Variants in AGAP1 observed in about 807,000 individuals in gnomAD.
AGAP1 encodes ArfGAP with GTPase domain, ankyrin repeat and PH domain 1.
Under a neutral mutation model 105.3 loss-of-function variants are expected in AGAP1, and 29 were observed. The observed-to-expected ratio is 0.28, with a 90% CI of 0.21 to 0.38. The LOEUF (loss-of-function observed/expected upper bound fraction) is 0.38, where lower values mean the gene tolerates loss of function less well. Among genes scored for constraint, AGAP1 ranks in the 10% least tolerant of loss-of-function variants. AGAP1 has a pLI of 1.00. For missense variants in AGAP1, 998 were observed against 1,165.1 expected (o/e 0.86, Z 2.09); for synonymous variants, 509 against 485.9 (o/e 1.05, Z -0.63).
intron 6 of AGAP1, among the ~76,000 whole-genome samples, chr2:235,785,831 C>T (rs750097795): frequency 5.9e-5 from 9 of 152,164 alleles, no homozygotes; most frequent in Non-Finnish European, 1.0e-4. Context: ...TGTTTATCTG[C>T]ACTTATCTTA....
rs2054082752 is a variant in AGAP1, at chr2:235,959,314, T to C, written c.1484-9148T>C. ...GCGGGGCTTTCGGGGCCTCTTCAAT[T>C]TGAGGAATACCTTGTCAGGCGAGGG... On this transcript the variant is annotated intron_variant, in intron 12 of 17. Transcript: ENST00000304032. The surrounding 1 kb of genome is among the most constrained non-coding windows in gnomAD (Gnocchi z 7.3). 6.6e-6 allele frequency among the ~76,000 whole-genome samples: 1 copy of C among 152,104 alleles called. No individual in the cohort carries two copies. The highest frequency in any genetic ancestry group is 2.4e-5 in the African/African-American group (1 of 41,414).
rs1286254653 is a variant in AGAP1 at position 235,931,771 on chromosome 2, C to T, written c.1483+848C>T. On this transcript the variant is annotated intron_variant, in intron 12 of 17. Transcript: ENST00000304032. This position sits in a 1 kb window ranked among gnomAD's most constrained non-coding sequence, Gnocchi z 5.6. ...CTTTGGGTAAACATCATCCTTATTT[C>T]TAGTGGCTCCGCAGACGCCACCAAG... 6.6e-6 allele frequency among the ~76,000 whole-genome samples: 1 copy of T among 152,020 alleles called. No individual in the cohort carries two copies. Among genetic ancestry groups the T allele is most frequent in the Non-Finnish European group, 1.5e-5 (1 of 68,026 alleles).
chr2:235,681,326 A>C (rs868829798), intron 1 of AGAP1, among the ~76,000 whole-genome samples: 65 of 151,976 alleles, frequency 4.3e-4, no homozygotes, highest in Middle Eastern at 3.2e-3. Context: ...CCCTTTTGAC[A>C]CACTCTATGA....
rs1028217203 is a variant in AGAP1 at position 235,752,183 on chromosome 2, T to C, written c.673+1695T>C. Among the ~76,000 whole-genome samples, 1 of 152,168 alleles carries C rather than the reference T, an allele frequency of 6.6e-6. No homozygotes were observed. Among genetic ancestry groups the C allele is most frequent in the African/African-American group, 2.4e-5 (1 of 41,446 alleles). On this transcript the variant is annotated intron_variant, in intron 6 of 17. Coordinates refer to ENST00000304032, the MANE Select transcript of AGAP1 (RefSeq NM_001037131.3). This position sits in a 1 kb window ranked among gnomAD's most constrained non-coding sequence, Gnocchi z 4.3. ...CTGCCTGTTTTCATAAATAGACTTT[T>C]CTTCTTTTTTTTGGAGACAGAGTCT...
rs76543905 is a variant in AGAP1, at chr2:235,598,482, A to G, written c.163+103633A>G. On this transcript the variant is annotated intron_variant, in intron 1 of 17. Transcript: ENST00000304032. ...GTTTATATCAAATTACCCTATGGGAAACTTGGTTGCATTGTATGTCGTTTC... is the reference window on the plus strand; with the variant it reads ...GTTTATATCAAATTACCCTATGGGAGACTTGGTTGCATTGTATGTCGTTTC... 3.3e-3 allele frequency among the ~76,000 whole-genome samples: 503 copies of G among 152,318 alleles called. 5 individuals are homozygous for G. Among genetic ancestry groups the G allele is most frequent in the African/African-American group, 0.012 (492 of 41,562 alleles).
At chr2:235,844,995 A>G (rs781335763) in intron 9 of AGAP1, among the ~76,000 whole-genome samples, 19 of 152,152 alleles carry the variant, frequency 1.2e-4, no homozygotes, top group Non-Finnish European at 2.2e-4. Context: ...AGCAGCAATT[A>G]TAGTTTGCTG....
chr2:235,498,585 G>A (rs1225944657), intron 1 of AGAP1, among the ~76,000 whole-genome samples: 1 of 152,184 alleles, frequency 6.6e-6, no homozygotes, highest in Admixed American at 6.5e-5. Context: ...TGAATTAACT[G>A]CCTTTCTTGT....
At position 235,587,479 on chromosome 2, in the gene AGAP1, C is replaced by A. The variant is rs1466037505; in HGVS notation, c.163+92630C>A. On this transcript the variant is annotated intron_variant, in intron 1 of 17. Coordinates refer to ENST00000304032, the MANE Select transcript of AGAP1 (RefSeq NM_001037131.3). ...TTTAAGTCTCCCAACAGGCCGGGTG[C>A]GGTGGCTCATGCCTGTAATTCCAGA... 2.0e-5 allele frequency among the ~76,000 whole-genome samples: 3 copies of A among 152,178 alleles called. No individual in the cohort carries two copies. The South Asian group carries it at 6.2e-4, about 32-fold the overall frequency.
Position 235,741,259 on chromosome 2 carries a change from G to T in AGAP1, c.396+211G>T, listed in dbSNP as rs865775306. 7.9e-5 allele frequency among the ~76,000 whole-genome samples: 12 copies of T among 152,162 alleles called. No individual in the cohort carries two copies. Among genetic ancestry groups the T allele is most frequent in the African/African-American group, 2.7e-4 (11 of 41,440 alleles). ...AGACTAAATCCTGCAGGGAAGTTGG[G>T]TTTATGTGATGGCTTTTCACTTTCT... On this transcript the variant is annotated intron_variant, in intron 4 of 17. Coordinates refer to ENST00000304032, the MANE Select transcript of AGAP1 (RefSeq NM_001037131.3). This position sits in a 1 kb window ranked among gnomAD's most constrained non-coding sequence, Gnocchi z 4.9.
intron 13 of AGAP1, among the ~76,000 whole-genome samples, chr2:235,999,154 G>A (rs1255253028): frequency 3.0e-5 from 4 of 134,276 alleles, no homozygotes; most frequent in Non-Finnish European, 6.6e-5. Flanking sequence ...GGTGAGAGGT[G>A]GTGGTGGTGA....
At chr2:235,940,283 C>A (rs1180922504) in intron 12 of AGAP1, among the ~76,000 whole-genome samples, 1 of 152,100 alleles carries the variant, frequency 6.6e-6, no homozygotes, top group Non-Finnish European at 1.5e-5. Context: ...TCTGGCCTGT[C>A]ATTCTTACTT....
rs1559279850 is a variant in AGAP1, at chr2:236,104,501, G to C, written c.2115-15691G>C. On this transcript the variant is annotated intron_variant, in intron 16 of 17. Transcript: ENST00000304032. This position sits in a 1 kb window ranked among gnomAD's most constrained non-coding sequence, Gnocchi z 4.7. ...TCCTTGTCCCTTCTCAGATTCCTTG[G>C]GGGCACAGGGCTGTGAGGGTCAGGA... 6.6e-6 allele frequency among the ~76,000 whole-genome samples: 1 copy of C among 152,240 alleles called. No homozygotes were observed. The highest frequency in any genetic ancestry group is 1.5e-5 in the Non-Finnish European group (1 of 68,042).
intron 9 of AGAP1, among the ~76,000 whole-genome samples, chr2:235,881,686 G>C (rs2050030879): frequency 6.6e-6 from 1 of 152,176 alleles, no homozygotes; most frequent in African/African-American, 2.4e-5. Flanking sequence ...GCTCAGTGTT[G>C]GCCGTCAGCT....
chr2:236,060,267 T>C (rs2058155279), intron 16 of AGAP1, among the ~76,000 whole-genome samples: 1 of 152,184 alleles, frequency 6.6e-6, no homozygotes, highest in South Asian at 2.1e-4. Flanking sequence ...AATAGATAAA[T>C]TGAATATTAG....
chr2:235,916,116 C>T (rs2051869623), intron 11 of AGAP1, among the ~76,000 whole-genome samples: 1 of 152,092 alleles, frequency 6.6e-6, no homozygotes, highest in South Asian at 2.1e-4. Flanking sequence ...CAGGGTTATA[C>T]AACATCTCTG....
chr2:235,536,950 C>T (rs1222700229), intron 1 of AGAP1, among the ~76,000 whole-genome samples: 2 of 152,146 alleles, frequency 1.3e-5, no homozygotes, highest in African/African-American at 4.8e-5. Flanking sequence ...TGGGCAGGTG[C>T]AGGAGCCTGA....
intron 1 of AGAP1, among the ~76,000 whole-genome samples, chr2:235,603,153 G>A (rs774012468): frequency 1.3e-5 from 2 of 152,152 alleles, no homozygotes; most frequent in African/African-American, 4.8e-5. Context: ...CTGTTCTGAT[G>A]GTAGTGAATA....
At chr2:235,541,290 G>C (rs1943424883) in intron 1 of AGAP1, among the ~76,000 whole-genome samples, 1 of 150,132 alleles carries the variant, frequency 6.7e-6, no homozygotes, top group African/African-American at 2.5e-5. Flanking sequence ...GAAGCATCTT[G>C]TGGGCCTCTT....
rs988906839 is a variant in AGAP1 at position 235,964,854 on chromosome 2, A to G, written c.1484-3608A>G. On this transcript the variant is annotated intron_variant, in intron 12 of 17. Coordinates refer to ENST00000304032, the MANE Select transcript of AGAP1 (RefSeq NM_001037131.3). This position sits in a 1 kb window ranked among gnomAD's most constrained non-coding sequence, Gnocchi z 4.6. The stretch of plus-strand genomic sequence containing the variant: ...GGCCGCACAGTCTAGGCTTGGGGGT[A>G]AGGTAAGAACTGGACCAGGGGTACG... Among the ~76,000 whole-genome samples the G allele has an allele frequency of 6.6e-6, 1 of 152,200 alleles. No individual in the cohort carries two copies. The highest frequency in any genetic ancestry group is 6.5e-5 in the Admixed American group (1 of 15,280).
Sources: allele counts gnomAD v4.1 joint callset (sites outside exome capture counted in the v4.1 genomes callset), GRCh38; gene constraint gnomAD v4.1.1; non-coding constraint Gnocchi (gnomAD v3.1); transcripts MANE v1.5; gene names NCBI Gene and HGNC (gene_info 2026-07-23, HGNC 2026-07-21).